The following MGAT4C variants were observed in gnomAD, a reference collection of about 807,000 sequenced individuals.
MGAT4C encodes MGAT4 family member C.
Under a neutral mutation model 40.1 loss-of-function variants are expected in MGAT4C, and 19 were observed. The ratio of observed to expected loss-of-function variants is 0.47; its 90% CI spans 0.33 to 0.70. The LOEUF (loss-of-function observed/expected upper bound fraction) is 0.70. Among genes scored for constraint, MGAT4C ranks in the 30% least tolerant of loss-of-function variants. The probability of loss-of-function intolerance (pLI) is 0.02; values close to 1 mark genes in which losing one functional copy is unlikely to be tolerated. For missense variants in MGAT4C, 491 were observed against 563.2 expected, an observed-to-expected ratio of 0.87 and a Z score of 1.30; for synonymous variants, 181 against 187.1, an observed-to-expected ratio of 0.97 and a Z score of 0.27.
At chr12:86,170,208 G>A (rs1265143552) in intron 1 of MGAT4C, among the ~76,000 whole-genome samples, 1 of 152,202 alleles carries the variant, frequency 6.6e-6, no homozygotes, top group African/African-American at 2.4e-5. Flanking sequence ...GACTGGGACA[G>A]TCTTGAGCAA....
rs1885633904 is a variant in MGAT4C at position 85,989,491 on chromosome 12, C to T, written c.56G>A (p.Cys19Tyr). The T allele has an allele frequency of 6.2e-7, 1 of 1,605,924 alleles. No individual in the cohort carries two copies. The highest frequency in any genetic ancestry group is 8.5e-7 in the Non-Finnish European group (1 of 1,174,726). The part of the protein sequence containing the change: ...HIFEILDKMR[C>Y]LRKRSTVSFL... ...TGACACTGTAGAACGTTTTCTCAGG[C>T]ATCTCATTTTATCAAGTATTTCAAA... Residue 19 changes from cysteine to tyrosine, a missense_variant, in exon 3 of 5, where the codon TGC becomes TAC. Cys to Tyr is a radical substitution (Grantham distance 194, BLOSUM62 -2). Coordinates refer to ENST00000611864, the MANE Select transcript of MGAT4C (RefSeq NM_001351288.2).
intron 2 of MGAT4C, among the ~76,000 whole-genome samples, chr12:86,524,074 G>C (rs1958839695): frequency 6.6e-6 from 1 of 152,094 alleles, no homozygotes; most frequent in African/African-American, 2.4e-5. Context: ...GGGTCATATA[G>C]CTAGCTCACT....
chr12:86,525,052 A>G (rs12580111), intron 2 of MGAT4C, among the ~76,000 whole-genome samples: 10,891 of 152,168 alleles, frequency 0.072, 921 homozygotes, highest in East Asian at 0.24. Flanking sequence ...GATATTCTGA[A>G]TTCTGTTTCT....
chr12:86,522,388 T>C (rs1958810292), intron 2 of MGAT4C, among the ~76,000 whole-genome samples: 1 of 152,204 alleles, frequency 6.6e-6, no homozygotes, highest in Non-Finnish European at 1.5e-5. Flanking sequence ...GTTCTGTTTA[T>C]GTAATGAATC....
At chr12:86,526,984 G>A (rs1435014634) in intron 2 of MGAT4C, among the ~76,000 whole-genome samples, 1 of 152,134 alleles carries the variant, frequency 6.6e-6, no homozygotes, top group East Asian at 1.9e-4. Flanking sequence ...GTGTGTGGTA[G>A]CCCTGTGCAG....
At chr12:86,766,257 A>G (rs1459655868) in intron 1 of MGAT4C, among the ~76,000 whole-genome samples, 2 of 152,220 alleles carry the variant, frequency 1.3e-5, no homozygotes, top group African/African-American at 2.4e-5. Flanking sequence ...AACAAAGATC[A>G]AAAGAGACAA....
chr12:86,634,981 C>T (rs1963174038), intron 2 of MGAT4C, among the ~76,000 whole-genome samples: 1 of 152,122 alleles, frequency 6.6e-6, no homozygotes, highest in African/African-American at 2.4e-5. Flanking sequence ...CATTTATAAT[C>T]CTGTTGGCAT....
chr12:86,376,854 G>GAGAC (rs1402437253), intron 3 of MGAT4C, among the ~76,000 whole-genome samples: 3 of 100,574 alleles, frequency 3.0e-5, no homozygotes, highest in African/African-American at 8.9e-5. Context: ...CAGAGAGAGA[G>GAGAC]AGAGAGAGAG....
intron 2 of MGAT4C, among the ~76,000 whole-genome samples, chr12:86,611,676 T>C (rs1962287549): frequency 6.6e-6 from 1 of 152,178 alleles, no homozygotes; most frequent in African/African-American, 2.4e-5. Context: ...TAGTAATAGT[T>C]CAATATAGAA....
At chr12:86,552,791 C>G (rs967417249) in intron 2 of MGAT4C, among the ~76,000 whole-genome samples, 2 of 152,054 alleles carry the variant, frequency 1.3e-5, no homozygotes, top group Admixed American at 1.3e-4. Flanking sequence ...AGCTCAGTAA[C>G]TCTTGTGAAG....
intron 1 of MGAT4C, among the ~76,000 whole-genome samples, chr12:86,205,888 T>C (rs1950231668): frequency 6.6e-6 from 1 of 152,074 alleles, no homozygotes; most frequent in Non-Finnish European, 1.5e-5. Flanking sequence ...CTGACATTTG[T>C]GTATCAATAT....
chr12:86,256,011 C>T (rs187415901), intron 1 of MGAT4C, among the ~76,000 whole-genome samples: 2 of 152,168 alleles, frequency 1.3e-5, no homozygotes, highest in East Asian at 1.9e-4. Context: ...AAAGCGAAGC[C>T]GGATTTACCT....
chr12:86,208,583 T>A (rs925289131), intron 1 of MGAT4C, among the ~76,000 whole-genome samples: 2 of 152,194 alleles, frequency 1.3e-5, no homozygotes, highest in African/African-American at 2.4e-5. Flanking sequence ...ACCTGGGAGA[T>A]CTCCTTTGGA....
intron 1 of MGAT4C, among the ~76,000 whole-genome samples, chr12:86,078,825 A>G (rs1870291530): frequency 6.6e-6 from 1 of 152,170 alleles, no homozygotes; most frequent in Admixed American, 6.5e-5. Context: ...TATCCATTAG[A>G]TTATTAAAAT....
intron 2 of MGAT4C, among the ~76,000 whole-genome samples, chr12:86,458,127 A>T (rs1957540289): frequency 6.6e-6 from 1 of 152,194 alleles, no homozygotes; most frequent in Non-Finnish European, 1.5e-5. Context: ...TAAAGGTGAC[A>T]ATATGTCATT....
intron 3 of MGAT4C, among the ~76,000 whole-genome samples, chr12:86,387,845 C>A (rs991241611): frequency 1.3e-5 from 2 of 152,088 alleles, no homozygotes; most frequent in African/African-American, 4.8e-5. Context: ...TTATTTGTAG[C>A]TGCAAGCTTG....
At chr12:86,608,578 T>A (rs1311856091) in intron 2 of MGAT4C, among the ~76,000 whole-genome samples, 2 of 152,102 alleles carry the variant, frequency 1.3e-5, no homozygotes, top group Non-Finnish European at 2.9e-5. Flanking sequence ...TCTCTAATAA[T>A]GACCTCTTTC....
chr12:86,627,073 T>A (rs1962832863), intron 2 of MGAT4C, among the ~76,000 whole-genome samples: 2 of 152,218 alleles, frequency 1.3e-5, no homozygotes, highest in Admixed American at 1.3e-4. Context: ...TTATATCCCA[T>A]GCATGGCTCA....
At chr12:86,432,617 A>G (rs1029070241) in intron 3 of MGAT4C, among the ~76,000 whole-genome samples, 10 of 152,052 alleles carry the variant, frequency 6.6e-5, no homozygotes, top group African/African-American at 2.4e-4. Flanking sequence ...GTAGATTTGT[A>G]GGCAAAAGAA....
Sources: allele counts gnomAD v4.1 joint callset (sites outside exome capture counted in the v4.1 genomes callset), GRCh38; gene constraint gnomAD v4.1.1; transcripts MANE v1.5; gene names NCBI Gene and HGNC (gene_info 2026-07-23, HGNC 2026-07-21).